The following DR1 variants were observed in gnomAD, a reference collection of about 807,000 sequenced individuals.
DR1 encodes protein Dr1.
In DR1, 7 loss-of-function variants were observed where a neutral mutation model predicts 19.9. The observed-to-expected ratio is 0.35, with a 90% CI of 0.20 to 0.66. The LOEUF (loss-of-function observed/expected upper bound fraction) is 0.66, where lower values mean the gene tolerates loss of function less well. Among genes scored for constraint, DR1 ranks in the 30% least tolerant of loss-of-function variants. The pLI is 0.66. For synonymous variants in DR1, 76 were observed against 72.5 expected (o/e 1.05, Z -0.24); for missense variants, 98 against 203.7 (o/e 0.48, Z 3.16).
intron 1 of DR1, among the ~76,000 whole-genome samples, chr1:93,347,673 T>C (rs1240349327): frequency 1.3e-5 from 2 of 152,176 alleles, no homozygotes; most frequent in African/African-American, 4.8e-5. Context: ...GGAACAGCAC[T>C]TCTGAAAACT....
rs1025681601 is a variant in DR1, at chr1:93,366,768, G to T, written c.*6129G>T. 3.3e-5 allele frequency: 5 copies of T among 152,174 alleles called. No homozygotes were observed. Among genetic ancestry groups the T allele is most frequent in the African/African-American group, 1.2e-4 (5 of 41,434 alleles). The allele number at this position is 152,174 out of a possible 1,614,324, so 9.4% of individuals were successfully genotyped here. ...CCTGTAATCTCAACACTGGGAAGTC[G>T]AGGTGGGCAGATGGCTTGACCTCAG... On this transcript the variant is annotated 3_prime_UTR_variant, in exon 3 of 3. Coordinates refer to ENST00000370272, the MANE Select transcript of DR1 (RefSeq NM_001938.3).
At chr1:93,347,346 A>C (rs1216573808) in intron 1 of DR1, among the ~76,000 whole-genome samples, 1 of 152,240 alleles carries the variant, frequency 6.6e-6, no homozygotes, top group African/African-American at 2.4e-5. Flanking sequence ...AATTCTTAAC[A>C]TACAATGTGT....
At position 93,365,931 on chromosome 1, in the gene DR1, T is replaced by G. The variant is rs1391320696; in HGVS notation, c.*5292T>G. ...AAGCATTTTTTATTGTGATTAAATA[T>G]GCATATCGTAAAATTCACCACTTTA... On this transcript the variant is annotated 3_prime_UTR_variant, in exon 3 of 3. Coordinates refer to ENST00000370272, the MANE Select transcript of DR1 (RefSeq NM_001938.3). 6 of 152,242 alleles carry G rather than the reference T, an allele frequency of 3.9e-5. No individual in the cohort carries two copies. The allele number at this position is 152,242 out of a possible 1,614,324, so 9.4% of individuals were successfully genotyped here.
rs1182556069 is a variant in DR1, at chr1:93,366,474, T to C, written c.*5835T>C. The C allele has an allele frequency of 6.6e-6, 1 of 152,168 alleles. No individual in the cohort carries two copies. Among genetic ancestry groups the C allele is most frequent in the Non-Finnish European group, 1.5e-5 (1 of 68,032 alleles). 9.4% of individuals were successfully genotyped at this position (152,168 alleles called of 1,614,324 possible). On this transcript the variant is annotated 3_prime_UTR_variant, in exon 3 of 3. Transcript: ENST00000370272. ...ATATTCATATAAAGATAATTTATAATACAATAAGTCCTCAATGTTGTTGAT... is the reference window on the plus strand; with the variant it reads ...ATATTCATATAAAGATAATTTATAACACAATAAGTCCTCAATGTTGTTGAT...
intron 1 of DR1, among the ~76,000 whole-genome samples, chr1:93,348,854 A>G (rs3767962): frequency 0.49 from 75,013 of 151,892 alleles, 21,262 homozygotes; most frequent in South Asian, 0.65. Flanking sequence ...TTATACATTT[A>G]TAATCTCATA....
In DR1 at chr1:93,346,366, A is replaced by G. The variant is rs1019909317; in HGVS notation, c.-280A>G. ...ACGAAGGTGGTTCCCCAGCCGCTCA[A>G]ATTTCCGGACCACCGCGCTTTCCCC... On this transcript the variant is annotated 5_prime_UTR_variant, in exon 1 of 3. Transcript: ENST00000370272. 1.8e-5 allele frequency: 8 copies of G among 447,742 alleles called. No individual in the cohort carries two copies. The highest frequency in any genetic ancestry group is 2.9e-5 in the Non-Finnish European group (7 of 243,130). The allele number at this position is 447,742 out of a possible 1,614,324, so 27.7% of individuals were successfully genotyped here.
At chr1:93,350,873 G>A (rs1402660564) in intron 1 of DR1, among the ~76,000 whole-genome samples, 1 of 152,114 alleles carries the variant, frequency 6.6e-6, no homozygotes, top group Non-Finnish European at 1.5e-5. Flanking sequence ...GCCATGAATA[G>A]TCCATAAGGT....
chr1:93,355,540 C>G (rs931212527), intron 2 of DR1: 1 of 152,236 alleles, frequency 6.6e-6, no homozygotes, highest in Non-Finnish European at 1.5e-5. Flanking sequence ...TGCTGATGCT[C>G]TAGCCTCCAT....
intron 1 of DR1, among the ~76,000 whole-genome samples, chr1:93,347,484 C>T (rs934794797): frequency 6.6e-6 from 1 of 152,100 alleles, no homozygotes; most frequent in Admixed American, 6.6e-5. Context: ...ATAGGGTGAA[C>T]TTTAAATTTT....
At chr1:93,350,222 A>T (rs1032652073) in intron 1 of DR1, among the ~76,000 whole-genome samples, 12 of 152,286 alleles carry the variant, frequency 7.9e-5, no homozygotes, top group African/African-American at 2.9e-4. Flanking sequence ...ACTACTAAGG[A>T]TATTAAGATA....
chr1:93,364,192 T>C lies in DR1; in HGVS notation c.*3553T>C, dbSNP rs1037362975. On this transcript the variant is annotated 3_prime_UTR_variant, in exon 3 of 3. Coordinates refer to ENST00000370272, the MANE Select transcript of DR1 (RefSeq NM_001938.3). ...CCTAAATTGTACCAAATGAGTTATATTGCAGCAGGTATGTTGTTAATTTCA... is the reference window on the plus strand; with the variant it reads ...CCTAAATTGTACCAAATGAGTTATACTGCAGCAGGTATGTTGTTAATTTCA... 1 of 152,226 alleles carries C rather than the reference T, an allele frequency of 6.6e-6. No individual in the cohort carries two copies. Among genetic ancestry groups the C allele is most frequent in the Non-Finnish European group, 1.5e-5 (1 of 68,028 alleles). The allele number at this position is 152,226 out of a possible 1,614,324, so 9.4% of individuals were successfully genotyped here. A position where few individuals can be genotyped will look rare whatever the true frequency, so the allele number is the denominator to read the frequency against.
intron 1 of DR1, among the ~76,000 whole-genome samples, chr1:93,353,315 A>G (rs1666940383): frequency 6.6e-6 from 1 of 151,938 alleles, no homozygotes; most frequent in African/African-American, 2.4e-5. Flanking sequence ...TCATTTAAAT[A>G]TGTTTTTATT....
At chr1:93,359,754 A>G (rs377329547) in intron 2 of DR1, among the ~76,000 whole-genome samples, 24 of 152,226 alleles carry the variant, frequency 1.6e-4, no homozygotes, top group Admixed American at 1.4e-3. Context: ...TTAATAATGT[A>G]TGCATCCTGG....
At chr1:93,349,710 C>A (rs560473928) in intron 1 of DR1, among the ~76,000 whole-genome samples, 1 of 152,120 alleles carries the variant, frequency 6.6e-6, no homozygotes, top group Admixed American at 6.5e-5. Context: ...AGCTGTCTTA[C>A]GTTGAAGGAA....
intron 1 of DR1, among the ~76,000 whole-genome samples, chr1:93,353,307 A>G (rs926695237): frequency 6.6e-6 from 1 of 151,862 alleles, no homozygotes; most frequent in Non-Finnish European, 1.5e-5. Flanking sequence ...TTGCCACATC[A>G]TTTAAATATG....
chr1:93,349,469 T>C (rs1399819283), intron 1 of DR1, among the ~76,000 whole-genome samples: 1 of 152,116 alleles, frequency 6.6e-6, no homozygotes, highest in Non-Finnish European at 1.5e-5. Flanking sequence ...CAGCTGTAAG[T>C]TCCGCACTGA....
rs961971171 is a variant in DR1, at chr1:93,362,608, A to G, written c.*1969A>G. On this transcript the variant is annotated 3_prime_UTR_variant, in exon 3 of 3. Coordinates refer to ENST00000370272, the MANE Select transcript of DR1 (RefSeq NM_001938.3). ...GTTTTATAAATGGTTTTTATATTTA[A>G]TGTTCTATAGAGAGATTTCTATTAT... The G allele has an allele frequency of 6.6e-6, 1 of 152,068 alleles. No individual in the cohort carries two copies. The highest frequency in any genetic ancestry group is 1.5e-5 in the Non-Finnish European group (1 of 67,832). 9.4% of individuals were successfully genotyped at this position (152,068 alleles called of 1,614,324 possible). A position where few individuals can be genotyped will look rare whatever the true frequency, so the allele number is the denominator to read the frequency against.
chr1:93,353,276 A>G (rs1191517692), intron 1 of DR1, among the ~76,000 whole-genome samples: 1 of 152,102 alleles, frequency 6.6e-6, no homozygotes, highest in Admixed American at 6.5e-5. Context: ...GTATCTTTAT[A>G]GTCTTTCAGC....
At position 93,346,756 on chromosome 1, in the gene DR1, G is replaced by A; in HGVS notation, c.111G>A (p.Glu37=). 6.2e-7 allele frequency: 1 copy of A among 1,614,142 alleles called. No individual in the cohort carries two copies. Among genetic ancestry groups the A allele is most frequent in the Non-Finnish European group, 8.5e-7 (1 of 1,180,024 alleles). Residue 37 remains glutamate, a synonymous_variant, in exon 1 of 3, where the codon GAG becomes GAA. Transcript: ENST00000370272. ...PNVRVANDAR[E]LVVNCCTEFI... ...TCCGGGTGGCCAACGATGCTCGAGA[G>A]CTGGTGGTGAACTGCTGCACTGAAT...
Sources: allele counts gnomAD v4.1 joint callset (sites outside exome capture counted in the v4.1 genomes callset), GRCh38; gene constraint gnomAD v4.1.1; transcripts MANE v1.5; gene names NCBI Gene and HGNC (gene_info 2026-07-23, HGNC 2026-07-21).